The following LIPA variants were observed in gnomAD, a reference collection of about 807,000 sequenced individuals.
LIPA encodes lysosomal acid lipase/cholesteryl ester hydrolase.
Under a neutral mutation model 40.6 loss-of-function variants are expected in LIPA, and 26 were observed. The observed-to-expected ratio is 0.64, with a 90% confidence interval of 0.47 to 0.89. The LOEUF (loss-of-function observed/expected upper bound fraction) is 0.89. Ranked by LOEUF, LIPA falls within the 40% of genes least tolerant of loss-of-function variation. The pLI, the probability that LIPA is intolerant of heterozygous loss-of-function variation, is 0.00. For synonymous variants in LIPA, 188 were observed against 168.4 expected (o/e 1.12, Z -0.90); for missense variants, 455 against 479.6 (o/e 0.95, Z 0.48).
chr10:89,376,898 A>T (rs1844126033), intron 2 of LIPA, among the ~76,000 whole-genome samples: 1 of 152,220 alleles, frequency 6.6e-6, no homozygotes, highest in African/African-American at 2.4e-5. Context: ...AGGACAAAGA[A>T]GAAATAGCAC....
chr10:89,327,408 G>A (rs984530416), intron 1 of LIPA, among the ~76,000 whole-genome samples: 4 of 151,946 alleles, frequency 2.6e-5, no homozygotes, highest in Non-Finnish European at 4.4e-5. Context: ...AATATTAGCC[G>A]GGCATGGTGG....
intron 1 of LIPA, among the ~76,000 whole-genome samples, chr10:89,251,257 G>A (rs184874110): frequency 7.2e-5 from 11 of 152,338 alleles, no homozygotes; most frequent in Non-Finnish European, 5.9e-5. Context: ...GAAGCAAAGT[G>A]TCAGCTGTTT....
chr10:89,296,399 C>T (rs1466036394), intron 1 of LIPA, among the ~76,000 whole-genome samples: 5 of 147,802 alleles, frequency 3.4e-5, no homozygotes, highest in East Asian at 2.0e-4. Flanking sequence ...GGGTGAGGCA[C>T]GAGAACTGCT....
chr10:89,343,939 C>T (rs533014685), upstream of LIPA, among the ~76,000 whole-genome samples: 2 of 152,264 alleles, frequency 1.3e-5, no homozygotes, highest in East Asian at 1.9e-4. Context: ...AAGTATCATT[C>T]GACAAACTTT....
chr10:89,318,339 C>T (rs1056209832), intron 1 of LIPA, among the ~76,000 whole-genome samples: 3 of 152,092 alleles, frequency 2.0e-5, no homozygotes, highest in African/African-American at 7.2e-5. Flanking sequence ...GGCAGAGACA[C>T]ACATAGGCTA....
At chr10:89,391,519 AATTTTTT>A in intron 2 of LIPA, among the ~76,000 whole-genome samples, 1 of 152,048 alleles carries the variant, frequency 6.6e-6, no homozygotes, top group African/African-American at 2.4e-5. Context: ...CCCGGACAAC[AATTTTTT>A]ATTTTTTATT....
chr10:89,250,080 T>C (rs1305875511), intron 1 of LIPA, among the ~76,000 whole-genome samples: 1 of 125,606 alleles, frequency 8.0e-6, no homozygotes, highest in Non-Finnish European at 1.7e-5. Context: ...TTTTCTTTTT[T>C]CTTTTTCTTT....
At chr10:89,309,721 T>C (rs763108290) in intron 1 of LIPA, among the ~76,000 whole-genome samples, 12 of 152,208 alleles carry the variant, frequency 7.9e-5, no homozygotes, top group Non-Finnish European at 1.5e-4. Flanking sequence ...CATAACATAT[T>C]ACACTTAATA....
At chr10:89,388,695 A>G (rs1185847467) in intron 2 of LIPA, among the ~76,000 whole-genome samples, 1 of 152,138 alleles carries the variant, frequency 6.6e-6, no homozygotes, top group East Asian at 1.9e-4. Flanking sequence ...TACTACAGCT[A>G]TATAAGATGT....
intron 1 of LIPA, chr10:89,302,031 T>A: frequency 6.7e-7 from 1 of 1,482,896 alleles, no homozygotes; most frequent in Non-Finnish European, 9.4e-7. Flanking sequence ...ATAGGTCTCT[T>A]CAGCATTTAT....
intron 1 of LIPA, among the ~76,000 whole-genome samples, chr10:89,333,292 A>C (rs915172490): frequency 5.3e-5 from 8 of 152,212 alleles, no homozygotes; most frequent in African/African-American, 1.9e-4. Context: ...AATAGAATGC[A>C]AATTTCTAGG....
chr10:89,360,412 A>G (rs1261539632), intron 2 of LIPA, among the ~76,000 whole-genome samples: 1 of 152,220 alleles, frequency 6.6e-6, no homozygotes, highest in African/African-American at 2.4e-5. Flanking sequence ...AGGGAAGAGA[A>G]TGAAACCCAG....
At position 89,214,784 on chromosome 10, in the gene LIPA, T is replaced by G. The variant is rs1317617959; in HGVS notation, c.*44A>C. 2.6e-6 allele frequency: 3 copies of G among 1,165,460 alleles called. No individual in the cohort carries two copies. The highest frequency in any genetic ancestry group is 3.9e-6 in the Non-Finnish European group (3 of 773,708). The allele number at this position is 1,165,460 out of a possible 1,614,324, so 72.2% of individuals were successfully genotyped here. On this transcript the variant is annotated 3_prime_UTR_variant, in exon 10 of 10. Coordinates refer to ENST00000336233, the MANE Select transcript of LIPA (RefSeq NM_000235.4). ...GAAATGAAGCAAACACATTTTCACA[T>G]GACATAATCATTGACTTGGTGGTAC...
At chr10:89,325,291 A>T (rs1013925507) in intron 1 of LIPA, among the ~76,000 whole-genome samples, 3 of 152,196 alleles carry the variant, frequency 2.0e-5, no homozygotes, top group Non-Finnish European at 4.4e-5. Flanking sequence ...TTCAGTCACT[A>T]TGGAAAGCAA....
intron 2 of LIPA, chr10:89,393,151 G>A (rs1350760272): frequency 5.4e-6 from 7 of 1,291,430 alleles, no homozygotes; most frequent in African/African-American, 1.5e-5. Context: ...GAATGTGAAA[G>A]CCTCAGTCTT....
intron 2 of LIPA, among the ~76,000 whole-genome samples, chr10:89,410,697 T>C (rs1461998347): frequency 6.6e-6 from 1 of 152,134 alleles, no homozygotes; most frequent in South Asian, 2.1e-4. Context: ...TGCTGCAATA[T>C]GGAAAGAAAG....
chr10:89,332,877 G>C (rs1241092403), intron 1 of LIPA, among the ~76,000 whole-genome samples: 1 of 152,238 alleles, frequency 6.6e-6, no homozygotes, highest in Non-Finnish European at 1.5e-5. Flanking sequence ...ATCCTAGAGA[G>C]CCCATGCTCA....
intron 1 of LIPA, among the ~76,000 whole-genome samples, chr10:89,291,467 A>T (rs1157942581): frequency 6.6e-6 from 1 of 152,076 alleles, no homozygotes; most frequent in Non-Finnish European, 1.5e-5. Context: ...GTCTTTTTTC[A>T]GTTTAAAGTA....
At chr10:89,298,473 T>G (rs1315100150) in intron 1 of LIPA, among the ~76,000 whole-genome samples, 1 of 152,216 alleles carries the variant, frequency 6.6e-6, no homozygotes, top group Non-Finnish European at 1.5e-5. Flanking sequence ...GAATCAAAGT[T>G]GAAGTGCCTT....
Sources: allele counts gnomAD v4.1 joint callset (sites outside exome capture counted in the v4.1 genomes callset), GRCh38; gene constraint gnomAD v4.1.1; transcripts MANE v1.5; gene names NCBI Gene and HGNC (gene_info 2026-07-23, HGNC 2026-07-21).